The following TBC1D2B variants were observed in gnomAD, a reference collection of about 807,000 sequenced individuals.
TBC1D2B encodes TBC1 domain family member 2B.
TBC1D2B carries 64 observed loss-of-function variants against 100.8 expected under a neutral mutation model. That is an observed-to-expected ratio of 0.64 (90% CI 0.52 to 0.78). The LOEUF (loss-of-function observed/expected upper bound fraction) is 0.78. TBC1D2B is among the 30% of genes least tolerant of loss of function. The probability of loss-of-function intolerance (pLI) is 0.00; values close to 1 mark genes in which losing one functional copy is unlikely to be tolerated. For synonymous variants in TBC1D2B, 480 were observed against 479.7 expected, an observed-to-expected ratio of 1.00 and a Z score of -0.01; for missense variants, 1,052 against 1,218.4, an observed-to-expected ratio of 0.86 and a Z score of 2.03.
intron 4 of TBC1D2B, 55 bp downstream of exon 4, chr15:78,029,952 G>A: frequency 6.9e-7 from 1 of 1,449,302 alleles, no homozygotes; most frequent in South Asian, 1.4e-5. Context: ...CACATCACTG[G>A]TGGTTAACAG....
chr15:78,010,780 G>A (rs894301572), intron 9 of TBC1D2B, among the ~76,000 whole-genome samples: 2 of 152,104 alleles, frequency 1.3e-5, no homozygotes, highest in Non-Finnish European at 2.9e-5. Context: ...TAAAGTTCTG[G>A]GTGCTCAGAA....
At chr15:78,059,365 T>G (rs572087205) in intron 1 of TBC1D2B, among the ~76,000 whole-genome samples, 13 of 152,356 alleles carry the variant, frequency 8.5e-5, no homozygotes, top group African/African-American at 3.1e-4. Flanking sequence ...TCCTCAATAC[T>G]GCTGAAATCC....
chr15:78,040,878 G>GAAAGAAAGAAAGAAAGAAAGAAAGAAAC (rs1567026244), intron 3 of TBC1D2B, among the ~76,000 whole-genome samples: 10 of 145,312 alleles, frequency 6.9e-5, no homozygotes, highest in Non-Finnish European at 1.5e-4. Context: ...AAGAAAGAAA[G>GAAAGAAAGAAAGAAAGAAAGAAAGAAAC]AAAGAGAGAG....
chr15:78,073,686 G>T (rs141471149), intron 1 of TBC1D2B, among the ~76,000 whole-genome samples: 1 of 152,162 alleles, frequency 6.6e-6, no homozygotes, highest in African/African-American at 2.4e-5. Flanking sequence ...TAAAACACAC[G>T]CCTGGCTGGG....
intron 1 of TBC1D2B, among the ~76,000 whole-genome samples, chr15:78,054,696 GA>G (rs905066667): frequency 2.0e-5 from 3 of 152,210 alleles, no homozygotes; most frequent in Admixed American, 2.0e-4. Context: ...GCCAAGTGCT[GA>G]CAAGGGTGCA....
chr15:78,057,955 A>C (rs1382347191), intron 1 of TBC1D2B, among the ~76,000 whole-genome samples: 2 of 152,226 alleles, frequency 1.3e-5, no homozygotes, highest in Admixed American at 1.3e-4. Flanking sequence ...TTAAATGTAT[A>C]ATCACAAACC....
At chr15:78,050,977 T>G (rs968172119) in intron 2 of TBC1D2B, among the ~76,000 whole-genome samples, 1 of 152,202 alleles carries the variant, frequency 6.6e-6, no homozygotes, top group African/African-American at 2.4e-5. Flanking sequence ...TTCCAGCCAA[T>G]GATGCATAAG....
At chr15:78,019,148 C>T (rs552463780) in intron 6 of TBC1D2B, among the ~76,000 whole-genome samples, 3 of 152,202 alleles carry the variant, frequency 2.0e-5, no homozygotes, top group Admixed American at 6.5e-5. Context: ...GAAACCACCA[C>T]GGGATTATAC....
intron 2 of TBC1D2B, among the ~76,000 whole-genome samples, chr15:78,050,039 G>A (rs894036099): frequency 6.6e-6 from 1 of 152,122 alleles, no homozygotes; most frequent in Non-Finnish European, 1.5e-5. Flanking sequence ...ATCTCTGTAT[G>A]GAATCACGAC....
chr15:78,070,444 T>A (rs946574304), intron 1 of TBC1D2B, among the ~76,000 whole-genome samples: 1 of 152,082 alleles, frequency 6.6e-6, no homozygotes, highest in African/African-American at 2.4e-5. Context: ...TTAACGTCTG[T>A]CCCCCCCACC....
At chr15:78,020,679 C>A (rs567121662) in intron 6 of TBC1D2B, among the ~76,000 whole-genome samples, 2 of 152,166 alleles carry the variant, frequency 1.3e-5, no homozygotes, top group African/African-American at 4.8e-5. Context: ...AAAGCATCAC[C>A]CCACGCTGTT....
rs75991946 is a variant in TBC1D2B, at chr15:78,023,903, T to G, written c.1470+253A>C. Among the ~76,000 whole-genome samples, 435 of 152,188 alleles carry G rather than the reference T, an allele frequency of 2.9e-3. 5 individuals are homozygous for G. Among genetic ancestry groups the G allele is most frequent in the African/African-American group, 1.0e-2 (415 of 41,522 alleles). On this transcript the variant is annotated intron_variant, in intron 6 of 12. Transcript: ENST00000300584. ...AGGGTGGTATATATAGAAAGAGAAG[T>G]CTTAGTTGCCTGAAAACAAGGGAGG...
chr15:78,018,060 C>T, intron 6 of TBC1D2B, 103 bp from the exon 7 acceptor site: 1 of 589,634 alleles, frequency 1.7e-6, no homozygotes, highest in South Asian at 2.5e-5. Context: ...TCAAATAGCC[C>T]TGCTAAGTTA....
At chr15:78,029,293 G>A (rs923852103) in intron 4 of TBC1D2B, among the ~76,000 whole-genome samples, 1 of 151,918 alleles carries the variant, frequency 6.6e-6, no homozygotes, top group Non-Finnish European at 1.5e-5. Context: ...TCCTGACCTC[G>A]TGATCTGCCC....
Position 78,012,517 on chromosome 15 carries a change from C to T in TBC1D2B, c.2270+306G>A, listed in dbSNP as rs755257769. 2.0e-5 allele frequency among the ~76,000 whole-genome samples: 3 copies of T among 152,178 alleles called. No individual in the cohort carries two copies. In the East Asian group the frequency reaches 5.8e-4, roughly 29 times the overall value. ...CAATTTCCACTCCATGCATTACAAA[C>T]TAATAAAATCAAACTTCTGATCAAA... On this transcript the variant is annotated intron_variant, in intron 9 of 12. Transcript: ENST00000300584.
At chr15:78,010,542 C>T (rs1308220532) in intron 9 of TBC1D2B, among the ~76,000 whole-genome samples, 1 of 151,840 alleles carries the variant, frequency 6.6e-6, no homozygotes, top group Admixed American at 6.6e-5. Flanking sequence ...CTCAAGTATG[C>T]AGGGATGGGA....
At chr15:78,056,000 G>A (rs1266563572) in intron 1 of TBC1D2B, among the ~76,000 whole-genome samples, 1 of 152,196 alleles carries the variant, frequency 6.6e-6, no homozygotes, top group Non-Finnish European at 1.5e-5. Flanking sequence ...CAGGACACCT[G>A]CCATAGGCAG....
intron 12 of TBC1D2B, chr15:77,998,908 G>A (rs2071838012): frequency 5.4e-6 from 1 of 185,520 alleles, no homozygotes; most frequent in South Asian, 1.0e-4. Context: ...AGTCTACAGA[G>A]AAATGTGCAG....
chr15:78,012,945 T>A lies in TBC1D2B; in HGVS notation c.2148A>T (p.Arg716=), dbSNP rs760327037. 4.5e-6 allele frequency: 7 copies of A among 1,563,624 alleles called. No individual in the cohort carries two copies. In the South Asian group the frequency reaches 4.8e-5, roughly 11 times the overall value. ...AGTAATGTTTGTTGTTGGGCAGAGT[T>A]CGCAGCAAGTCCAGCTCAATCTGCT... ...ASKQIELDLL[R]TLPNNKHYSC... Residue 716 remains arginine (R), a synonymous_variant, in exon 9 of 13, where the codon CGA becomes CGT. Coordinates refer to ENST00000300584, the MANE Select transcript of TBC1D2B (RefSeq NM_144572.2).
Sources: allele counts gnomAD v4.1 joint callset (sites outside exome capture counted in the v4.1 genomes callset), GRCh38; gene constraint gnomAD v4.1.1; transcripts MANE v1.5; gene names NCBI Gene and HGNC (gene_info 2026-07-23, HGNC 2026-07-21).